The following DAB1 variants were observed in gnomAD, a reference collection of about 807,000 sequenced individuals.
The protein encoded by DAB1 is disabled homolog 1.
A neutral mutation model predicts 64.6 loss-of-function variants in DAB1; 15 were observed. That is an observed-to-expected ratio of 0.23 (90% CI 0.16 to 0.36). The LOEUF is 0.36. DAB1 is among the 10% of genes least tolerant of loss of function. The probability of loss-of-function intolerance (pLI) is 1.00; values close to 1 mark genes in which losing one functional copy is unlikely to be tolerated. For synonymous variants in DAB1, 235 were observed against 251.9 expected (o/e 0.93, Z 0.64); for missense variants, 596 against 706.7 (o/e 0.84, Z 1.78).
rs554239981 is a variant in DAB1 at position 58,124,981 on chromosome 1, A to G, written n.387+25530T>C. 8.9e-4 allele frequency among the ~76,000 whole-genome samples: 135 copies of G among 152,254 alleles called. 1 individual carries two copies. Among genetic ancestry groups the G allele is most frequent in the African/African-American group, 3.1e-3 (128 of 41,552 alleles). On this transcript the variant is annotated intron_variant and non_coding_transcript_variant, in intron 5 of 20. Transcript: ENST00000485760. The stretch of plus-strand genomic sequence containing the variant: ...CTGCTTGTCATTGTCTATTATGATT[A>G]TTGTTGCTGTCGTTATTATTATATT...
At chr1:57,969,524 C>T (rs1645747499) in intron 5 of DAB1, among the ~76,000 whole-genome samples, 1 of 152,038 alleles carries the variant, frequency 6.6e-6, no homozygotes, top group Admixed American at 6.6e-5. Flanking sequence ...CATCCAAGTT[C>T]ATTTAAAAAT....
intron 3 of DAB1, among the ~76,000 whole-genome samples, chr1:58,494,970 G>A (rs186823): frequency 0.022 from 3,420 of 152,216 alleles, 129 homozygotes; most frequent in African/African-American, 0.078. Context: ...ACATGCACAC[G>A]TATGTTTATT....
At chr1:57,700,484 T>G (rs1646894184) in intron 6 of DAB1, among the ~76,000 whole-genome samples, 1 of 152,120 alleles carries the variant, frequency 6.6e-6, no homozygotes, top group Non-Finnish European at 1.5e-5. Flanking sequence ...GCTGTGGATA[T>G]TTGTCTAAGC....
At chr1:58,539,254 T>A (rs1372088264) in intron 1 of DAB1, 2 of 869,334 alleles carry the variant, frequency 2.3e-6, no homozygotes, top group Non-Finnish European at 4.0e-6. Flanking sequence ...GAAGAAAACA[T>A]GGTTTCTAGC....
At chr1:57,633,466 G>A (rs558477645) in intron 7 of DAB1, among the ~76,000 whole-genome samples, 1 of 152,202 alleles carries the variant, frequency 6.6e-6, no homozygotes, top group Non-Finnish European at 1.5e-5. Context: ...CAAGTGGATT[G>A]CAAGGGCAGG....
Position 57,720,990 on chromosome 1 carries a change from T to G in DAB1, n.552-71325A>C, listed in dbSNP as rs561660226. 5.9e-5 allele frequency among the ~76,000 whole-genome samples: 9 copies of G among 152,314 alleles called. No homozygotes were observed. The South Asian group carries it at 1.9e-3, about 32-fold the overall frequency. ...CCTTAAAGGGAGAGAAAGTGAGAGA[T>G]AGGCATCTGCAAATTGCAGTCCTTC... On this transcript the variant is annotated intron_variant and non_coding_transcript_variant, in intron 6 of 20. Coordinates refer to the DAB1 transcript ENST00000485760.
chr1:57,914,577 C>A (rs963501440), intron 5 of DAB1, among the ~76,000 whole-genome samples: 12 of 151,204 alleles, frequency 7.9e-5, no homozygotes, highest in African/African-American at 2.9e-4. Context: ...ATAATAACAA[C>A]AAAAAAAAGA....
intron 1 of DAB1, among the ~76,000 whole-genome samples, chr1:57,335,190 G>A (rs1229736944): frequency 6.6e-5 from 10 of 150,496 alleles, no homozygotes; most frequent in African/African-American, 2.4e-4. Flanking sequence ...AGCTATGTGA[G>A]ATCTGGACAT....
At chr1:57,785,147 T>C (rs1419790265) in intron 6 of DAB1, among the ~76,000 whole-genome samples, 1 of 152,202 alleles carries the variant, frequency 6.6e-6, no homozygotes, top group African/African-American at 2.4e-5. Context: ...GTTTATGGTA[T>C]AATTTACTGA....
intron 7 of DAB1, among the ~76,000 whole-genome samples, chr1:57,571,327 A>G (rs1006858901): frequency 3.9e-5 from 6 of 152,144 alleles, no homozygotes; most frequent in African/African-American, 1.4e-4. Context: ...TTAATTATGT[A>G]ATTCAGCCCC....
At chr1:57,609,800 T>C (rs1273777290) in intron 7 of DAB1, among the ~76,000 whole-genome samples, 1 of 151,990 alleles carries the variant, frequency 6.6e-6, no homozygotes, top group Non-Finnish European at 1.5e-5. Context: ...GACCCCACCA[T>C]TTTTTTTACA....
Position 58,308,389 on chromosome 1 carries a change from G to A in DAB1, n.309+34963C>T, listed in dbSNP as rs114460452. Among the ~76,000 whole-genome samples the A allele has an allele frequency of 1.6e-3, 237 of 152,104 alleles. 1 individual carries two copies. The highest frequency in any genetic ancestry group is 5.5e-3 in the African/African-American group (228 of 41,498). On this transcript the variant is annotated intron_variant and non_coding_transcript_variant, in intron 4 of 20. Transcript: ENST00000485760. ...CAGGGGATGAGTATGGGGTTGGGGG[G>A]AGTGATGTGGGCATGACACCTGACA... is the stretch of plus-strand genomic sequence containing the variant.
chr1:57,828,004 GGT>G (rs1652429730), intron 1 of DAB1, among the ~76,000 whole-genome samples: 1 of 152,200 alleles, frequency 6.6e-6, no homozygotes, highest in Admixed American at 6.5e-5. Flanking sequence ...GGAGTGCAGT[GGT>G]GCGATCTCGG....
chr1:58,240,614 A>G (rs1358477249), intron 4 of DAB1, among the ~76,000 whole-genome samples: 1 of 152,218 alleles, frequency 6.6e-6, no homozygotes, highest in Non-Finnish European at 1.5e-5. Context: ...GATGGCATGC[A>G]ACCACTTCAC....
chr1:57,578,295 G>A (rs1048444143), intron 7 of DAB1, among the ~76,000 whole-genome samples: 2 of 152,182 alleles, frequency 1.3e-5, no homozygotes, highest in African/African-American at 4.8e-5. Context: ...CACTGTGCAG[G>A]TCTTGGATCT....
chr1:57,018,079 T>G (rs1478121703), intron 11 of DAB1, among the ~76,000 whole-genome samples: 1 of 152,220 alleles, frequency 6.6e-6, no homozygotes, highest in Non-Finnish European at 1.5e-5. Context: ...TTTATGATCA[T>G]TTGCACCTAG....
In DAB1 at chr1:57,650,345, T is replaced by G. The variant is rs569036173; in HGVS notation, n.552-680A>C. Among the ~76,000 whole-genome samples the G allele has an allele frequency of 1.1e-4, 17 of 152,210 alleles. No individual in the cohort carries two copies. The South Asian group carries it at 1.5e-3, about 13-fold the overall frequency. Reference sequence around the variant, plus strand: ...TTTTTATAGAGACAAGATTTCACCATGTTGCCCAGGCTGGCTGGGTTCCTT... The same window carrying G: ...TTTTTATAGAGACAAGATTTCACCAGGTTGCCCAGGCTGGCTGGGTTCCTT... On this transcript the variant is annotated intron_variant and non_coding_transcript_variant, in intron 6 of 20. Transcript: ENST00000485760.
At chr1:58,012,184 G>A (rs1646678001) in intron 5 of DAB1, among the ~76,000 whole-genome samples, 1 of 152,138 alleles carries the variant, frequency 6.6e-6, no homozygotes, top group African/African-American at 2.4e-5. Flanking sequence ...ATGCAGTGTG[G>A]TTCTGACAGC....
chr1:58,115,996 A>T (rs201457269), intron 5 of DAB1, among the ~76,000 whole-genome samples: 3,612 of 151,792 alleles, frequency 0.024, 127 homozygotes, highest in South Asian at 0.096. Context: ...AAAAAAAAAA[A>T]AAATTAATAT....
Sources: gnomAD v4.1 joint callset for allele counts (sites outside exome capture counted in the v4.1 genomes callset) on GRCh38, gnomAD v4.1.1 for gene constraint, MANE v1.5 for transcripts, NCBI Gene and HGNC (gene_info 2026-07-23, HGNC 2026-07-21) for gene names.